SYT1: variants seen among roughly 807,000 people sequenced by gnomAD.
SYT1 encodes the protein synaptotagmin-1.
A neutral mutation model predicts 44.8 loss-of-function variants in SYT1; 8 were observed. The observed-to-expected ratio is 0.18, with a 90% CI of 0.10 to 0.32. The LOEUF is 0.32. Ranked by LOEUF, SYT1 falls within the 10% of genes least tolerant of loss-of-function variation. The pLI is 1.00. For missense variants in SYT1, 286 were observed against 509.3 expected (o/e 0.56, Z 4.22); for synonymous variants, 154 against 188.8 (o/e 0.82, Z 1.51).
chr12:79,442,811 A>G (rs1305327494), intron 9 of SYT1, among the ~76,000 whole-genome samples: 1 of 152,176 alleles, frequency 6.6e-6, no homozygotes, highest in African/African-American at 2.4e-5. Flanking sequence ...AGTTTCTCCT[A>G]GCTCTACATG....
chr12:79,412,217 C>T (rs1231669312), intron 9 of SYT1, among the ~76,000 whole-genome samples: 1 of 152,068 alleles, frequency 6.6e-6, no homozygotes, highest in African/African-American at 2.4e-5. Context: ...GTGGGCTGTC[C>T]GCATGCACAG....
chr12:79,189,164 C>G (rs544648764), intron 3 of SYT1, among the ~76,000 whole-genome samples: 4 of 152,282 alleles, frequency 2.6e-5, no homozygotes, highest in African/African-American at 9.6e-5. Context: ...TTATTTGCCT[C>G]CTCTAAAATT....
rs144610739 is a variant in SYT1, at chr12:79,160,714, A to G, written c.-17-56789A>G. On this transcript the variant is annotated intron_variant, in intron 3 of 10. Coordinates refer to ENST00000261205, the MANE Select transcript of SYT1 (RefSeq NM_005639.3). ...CCAAGAATAGTTGAAAATGTGGTCTATATTTCTGGAGATGGGGCAAATCTA... is the reference window on the plus strand; with the variant it reads ...CCAAGAATAGTTGAAAATGTGGTCTGTATTTCTGGAGATGGGGCAAATCTA... Among the ~76,000 whole-genome samples, 964 of 152,262 alleles carry G rather than the reference A, an allele frequency of 6.3e-3. 9 individuals are homozygous for G. The highest frequency in any genetic ancestry group is 0.022 in the African/African-American group (926 of 41,562).
rs1489926204 is a variant in SYT1 at position 79,421,707 on chromosome 12, TTC to T, written c.929-22364_929-22363del. Reference sequence around the variant, plus strand: ...GTGACACTTTTTTTGTTTTTTTGTTTTCTGTTTTTTTTTTTTATTGTTGGTGG... The same window carrying T: ...GTGACACTTTTTTTGTTTTTTTGTTTTGTTTTTTTTTTTTATTGTTGGTGG... On this transcript the variant is annotated intron_variant, in intron 9 of 10. Coordinates refer to ENST00000261205, the MANE Select transcript of SYT1 (RefSeq NM_005639.3). 9.4e-5 allele frequency among the ~76,000 whole-genome samples: 14 copies of T among 149,252 alleles called. No homozygotes were observed. In the East Asian group the frequency reaches 2.2e-3, roughly 24 times the overall value.
chr12:79,363,470 AT>A (rs1257005301), intron 9 of SYT1, among the ~76,000 whole-genome samples: 1 of 151,966 alleles, frequency 6.6e-6, no homozygotes, highest in African/African-American at 2.4e-5. Context: ...CACACCTGTA[AT>A]CCCAGTACTT....
chr12:79,241,361 T>A (rs2138653304), intron 4 of SYT1, among the ~76,000 whole-genome samples: 1 of 152,154 alleles, frequency 6.6e-6, no homozygotes, highest in Non-Finnish European at 1.5e-5. Context: ...ACCTCCACCT[T>A]CCGGATTCAC....
intron 4 of SYT1, among the ~76,000 whole-genome samples, chr12:79,280,921 A>C (rs1358240585): frequency 6.6e-6 from 1 of 151,950 alleles, no homozygotes; most frequent in Non-Finnish European, 1.5e-5. Context: ...TAATCATCAG[A>C]GAAATAAAAA....
At chr12:79,316,293 A>G (rs1881081188) in intron 8 of SYT1, among the ~76,000 whole-genome samples, 1 of 152,222 alleles carries the variant, frequency 6.6e-6, no homozygotes, top group Admixed American at 6.5e-5. Context: ...TCTTCAGCTC[A>G]AGATGATGTT....
At chr12:79,025,502 C>T (rs1163127483) in intron 2 of SYT1, among the ~76,000 whole-genome samples, 1 of 151,480 alleles carries the variant, frequency 6.6e-6, no homozygotes, top group Non-Finnish European at 1.5e-5. Context: ...TCTAGACACA[C>T]AAATCTAGTG....
At chr12:79,024,805 A>G (rs1872421423) in intron 2 of SYT1, among the ~76,000 whole-genome samples, 1 of 151,782 alleles carries the variant, frequency 6.6e-6, no homozygotes, top group South Asian at 2.1e-4. Context: ...AAAGATTTGG[A>G]TTGGAGAATA....
chr12:79,444,874 G>A (rs566231270), intron 10 of SYT1, among the ~76,000 whole-genome samples: 4 of 152,142 alleles, frequency 2.6e-5, no homozygotes, highest in Admixed American at 1.3e-4. Flanking sequence ...TCATTTAGGG[G>A]TTTTTGAAAA....
At chr12:79,171,001 T>G (rs555692165) in intron 3 of SYT1, among the ~76,000 whole-genome samples, 41 of 152,168 alleles carry the variant, frequency 2.7e-4, no homozygotes, top group African/African-American at 9.9e-4. Flanking sequence ...CAGAGAGTTG[T>G]AGGTGTGCAG....
rs1565897790 is a variant in SYT1 at position 79,300,792 on chromosome 12, TATA to T, written c.810+1242_810+1244del. 2.7e-3 allele frequency among the ~76,000 whole-genome samples: 204 copies of T among 74,870 alleles called. 2 individuals carry two copies. The highest frequency in any genetic ancestry group is 6.5e-3 in the African/African-American group (158 of 24,228). The allele number at this position is 74,870 out of a possible 152,430, so 49.1% of individuals were successfully genotyped here. On this transcript the variant is annotated intron_variant, in intron 8 of 10. Coordinates refer to ENST00000261205, the MANE Select transcript of SYT1 (RefSeq NM_005639.3). Reference sequence around the variant, plus strand: ...ATATAATATTCATGTATACTTATTATATATATATATATATATATATATATATAT... The same window carrying T: ...ATATAATATTCATGTATACTTATTATTATATATATATATATATATATATAT...
chr12:79,279,881 T>TAG, intron 4 of SYT1, among the ~76,000 whole-genome samples: 1 of 151,886 alleles, frequency 6.6e-6, no homozygotes, highest in Non-Finnish European at 1.5e-5. Context: ...GAGAACTCAA[T>TAG]CCCATTTATA....
intron 4 of SYT1, among the ~76,000 whole-genome samples, chr12:79,278,079 T>G (rs923652142): frequency 1.3e-5 from 2 of 151,844 alleles, no homozygotes; most frequent in Non-Finnish European, 2.9e-5. Flanking sequence ...AATTCAACAA[T>G]CCACTGACAG....
chr12:78,925,502 C>G (rs1226220111), intron 1 of SYT1, among the ~76,000 whole-genome samples: 2 of 151,768 alleles, frequency 1.3e-5, no homozygotes, highest in East Asian at 3.9e-4. Context: ...GTTTTTAGTT[C>G]TAGGAGTTTT....
intron 1 of SYT1, among the ~76,000 whole-genome samples, chr12:78,917,299 T>G (rs917623512): frequency 2.6e-5 from 4 of 152,030 alleles, no homozygotes; most frequent in African/African-American, 9.7e-5. Context: ...TCATGAGTCA[T>G]GGCTTTGAAT....
chr12:79,319,715 T>C (rs1881263533), intron 8 of SYT1, among the ~76,000 whole-genome samples: 1 of 152,232 alleles, frequency 6.6e-6, no homozygotes, highest in East Asian at 1.9e-4. Context: ...GGGCCACTCT[T>C]TCCATGATAT....
chr12:79,327,030 T>C (rs1881637964), intron 8 of SYT1, among the ~76,000 whole-genome samples: 1 of 152,048 alleles, frequency 6.6e-6, no homozygotes, highest in South Asian at 2.1e-4. Flanking sequence ...ATAAGAAAAA[T>C]GGAGATGTTC....
Sources: gnomAD v4.1 joint callset for allele counts (sites outside exome capture counted in the v4.1 genomes callset) on GRCh38, gnomAD v4.1.1 for gene constraint, MANE v1.5 for transcripts, NCBI Gene and HGNC (gene_info 2026-07-23, HGNC 2026-07-21) for gene names.